Variants in TTC7B observed in about 807,000 individuals in gnomAD.
TTC7B encodes the protein tetratricopeptide repeat domain 7B, also known as tetratricopeptide repeat protein 7B.
In TTC7B, 28 loss-of-function variants were observed where a neutral mutation model predicts 106.8. The observed-to-expected ratio is 0.26, with a 90% CI of 0.19 to 0.36. The LOEUF is 0.36. Ranked by LOEUF, TTC7B falls within the 10% of genes least tolerant of loss-of-function variation. The pLI, the probability that TTC7B is intolerant of heterozygous loss-of-function variation, is 1.00. For missense variants in TTC7B, 862 were observed against 1,076.4 expected (o/e 0.80, Z 2.79); for synonymous variants, 405 against 430.6 (o/e 0.94, Z 0.74).
Position 90,570,571 on chromosome 14 carries a change from G to A in TTC7B, c.2310+7535C>T, listed in dbSNP as rs1358716595. ...AAGTCACACTCAAAAGCGAAGCATC[G>A]TGCTCGCGGCCGACCACGCACCGAG... On this transcript the variant is annotated intron_variant, in intron 19 of 19. Transcript: ENST00000328459. This position sits in a 1 kb window ranked among gnomAD's most constrained non-coding sequence, Gnocchi z 4.0. Among the ~76,000 whole-genome samples the A allele has an allele frequency of 1.3e-5, 2 of 151,926 alleles. No individual in the cohort carries two copies. Among genetic ancestry groups the A allele is most frequent in the East Asian group, 1.9e-4 (1 of 5,176 alleles).
chr14:90,608,352 G>C lies in TTC7B; in HGVS notation c.1966+2390C>G, dbSNP rs144613385. On this transcript the variant is annotated intron_variant, in intron 17 of 19. Coordinates refer to ENST00000328459, the MANE Select transcript of TTC7B (RefSeq NM_001010854.2). The surrounding 1 kb of genome is among the most constrained non-coding windows in gnomAD (Gnocchi z 5.1). ...CTGGTCTCTTGGTTAAATTGTCGGC[G>C]TGCAAATCAGTATTTTGCAGCTGCC... Among the ~76,000 whole-genome samples, 2 of 152,184 alleles carry C rather than the reference G, an allele frequency of 1.3e-5. No homozygotes were observed. The highest frequency in any genetic ancestry group is 1.3e-4 in the Admixed American group (2 of 15,300).
intron 11 of TTC7B, among the ~76,000 whole-genome samples, 181 bp downstream of exon 11, chr14:90,656,993 G>T (rs374766450): frequency 2.0e-5 from 3 of 152,212 alleles, no homozygotes; most frequent in African/African-American, 7.2e-5. Flanking sequence ...AGTCCTTGGG[G>T]GAGTGGATGA....
At chr14:90,548,904 G>A (rs1217820510) in intron 19 of TTC7B, among the ~76,000 whole-genome samples, 1 of 152,112 alleles carries the variant, frequency 6.6e-6, no homozygotes, top group Non-Finnish European at 1.5e-5. Flanking sequence ...GAGGTGGGTG[G>A]ATCACAAGGT....
chr14:90,723,038 G>A (rs1040454822), intron 5 of TTC7B, among the ~76,000 whole-genome samples: 9 of 152,168 alleles, frequency 5.9e-5, no homozygotes, highest in Admixed American at 3.3e-4. Context: ...AGTCAAACCC[G>A]TCTTCTGGTC....
chr14:90,625,290 G>T (rs1884390598), intron 15 of TTC7B, among the ~76,000 whole-genome samples: 1 of 152,206 alleles, frequency 6.6e-6, no homozygotes, highest in African/African-American at 2.4e-5. Flanking sequence ...GAGAGTCTGA[G>T]ATCAGCCCAG....
At chr14:90,801,897 C>G (rs1171339689) in intron 1 of TTC7B, among the ~76,000 whole-genome samples, 3 of 151,950 alleles carry the variant, frequency 2.0e-5, no homozygotes, top group South Asian at 2.1e-4. Flanking sequence ...CCCATCTCTA[C>G]TAAAAGTACA....
intron 3 of TTC7B, among the ~76,000 whole-genome samples, chr14:90,747,733 C>T (rs1456854555): frequency 6.6e-6 from 1 of 152,156 alleles, no homozygotes; most frequent in Non-Finnish European, 1.5e-5. Context: ...ATTGCAATCC[C>T]CAAGCATAAC....
intron 2 of TTC7B, among the ~76,000 whole-genome samples, chr14:90,782,923 G>A (rs531216583): frequency 2.0e-5 from 3 of 151,794 alleles, no homozygotes; most frequent in South Asian, 2.1e-4. Context: ...TAGGTTGTAA[G>A]TTATGTATAT....
chr14:90,720,075 C>T lies in TTC7B; in HGVS notation c.698+10000G>A, dbSNP rs140233122. On this transcript the variant is annotated intron_variant, in intron 5 of 19. Coordinates refer to ENST00000328459, the MANE Select transcript of TTC7B (RefSeq NM_001010854.2). ...CTTACATTCATGTTAGTGTATTTTA[C>T]GTGTGGCCCAAGACAATTCTTCTTC... Among the ~76,000 whole-genome samples the T allele has an allele frequency of 5.0e-4, 76 of 150,616 alleles. 1 individual carries two copies. The East Asian group carries it at 0.012, about 24-fold the overall frequency.
intron 1 of TTC7B, among the ~76,000 whole-genome samples, chr14:90,813,581 G>C (rs1247107959): frequency 6.6e-6 from 1 of 151,902 alleles, no homozygotes; most frequent in Non-Finnish European, 1.5e-5. Flanking sequence ...GGCTCAGAGT[G>C]GTTAAGTGAT....
intron 1 of TTC7B, among the ~76,000 whole-genome samples, chr14:90,815,961 A>C (rs2031151427): frequency 6.6e-6 from 1 of 151,416 alleles, no homozygotes; most frequent in African/African-American, 2.4e-5. Flanking sequence ...GCGCCGGGAC[A>C]GCCCCTGGCG....
chr14:90,753,953 T>C (rs1269200865), intron 3 of TTC7B, among the ~76,000 whole-genome samples: 2 of 152,238 alleles, frequency 1.3e-5, no homozygotes, highest in South Asian at 2.1e-4. Context: ...GCTCACTAAC[T>C]GAGAGTTTGC....
intron 3 of TTC7B, among the ~76,000 whole-genome samples, chr14:90,775,043 CA>C (rs35706904): frequency 0.42 from 58,965 of 138,964 alleles, 12,955 homozygotes; most frequent in Non-Finnish European, 0.52. Context: ...AATTCTGTCT[CA>C]AAAAAAAAAA....
intron 3 of TTC7B, among the ~76,000 whole-genome samples, chr14:90,768,396 C>T (rs1890756391): frequency 6.6e-6 from 1 of 152,060 alleles, no homozygotes; most frequent in South Asian, 2.1e-4. Flanking sequence ...CTTCCAAACA[C>T]TTACAAAACC....
chr14:90,763,382 A>C (rs369287413), intron 3 of TTC7B, among the ~76,000 whole-genome samples: 46 of 152,348 alleles, frequency 3.0e-4, no homozygotes, highest in African/African-American at 1.0e-3. Flanking sequence ...CTTCAAGTTG[A>C]TAAAGGCTAT....
rs140983251 is a variant in TTC7B, at chr14:90,689,609, G to C, written c.881C>G (p.Pro294Arg). Residue 294 changes from proline to arginine, a missense_variant, in exon 7 of 20, where the codon CCT (proline) becomes CGT (arginine). By Grantham distance (103) the Pro-to-Arg change is moderately radical. Coordinates refer to ENST00000328459, the MANE Select transcript of TTC7B (RefSeq NM_001010854.2). ...TTTTGTGTTTGCTCCTTTGCGGAGA[G>C]GATCGTCCAGAGGTGACTGGCACGG... The part of the protein sequence containing the change: ...DPPCQSPLDD[P>R]LRKGANTKTY... The C allele has an allele frequency of 4.2e-5, 68 of 1,614,048 alleles. No individual in the cohort carries two copies. Among genetic ancestry groups the C allele is most frequent in the Non-Finnish European group, 5.5e-5 (65 of 1,180,010 alleles).
Position 90,530,543 on chromosome 14 carries a change from C to T in TTC7B, c.*10825G>A, listed in dbSNP as rs1889258983. The T allele has an allele frequency of 1.3e-5, 2 of 152,116 alleles. No homozygotes were observed. The highest frequency in any genetic ancestry group is 2.9e-5 in the Non-Finnish European group (2 of 68,054). 9.4% of individuals were successfully genotyped at this position (152,116 alleles called of 1,614,324 possible). A position where few individuals can be genotyped will look rare whatever the true frequency, so the allele number is the denominator to read the frequency against. On this transcript the variant is annotated 3_prime_UTR_variant, in exon 20 of 20. Transcript: ENST00000328459. ...AGATGGGGAGAGTGTCTTGGATTAT[C>T]CAGGTAAGACCAATGTAATCAGGAG...
chr14:90,681,924 C>T (rs66882071), intron 7 of TTC7B, among the ~76,000 whole-genome samples: 20,511 of 152,172 alleles, frequency 0.13, 1,675 homozygotes, highest in Middle Eastern at 0.21. Flanking sequence ...CACACTCGTG[C>T]CCCACAATCA....
At chr14:90,713,539 C>CA (rs1201145036) in intron 5 of TTC7B, among the ~76,000 whole-genome samples, 1 of 152,096 alleles carries the variant, frequency 6.6e-6, no homozygotes. Context: ...GGCTCTAATT[C>CA]AAAAAACTGA....
Sources: gnomAD v4.1 joint callset for allele counts (sites outside exome capture counted in the v4.1 genomes callset) on GRCh38, gnomAD v4.1.1 for gene constraint, Gnocchi (gnomAD v3.1) non-coding constraint, MANE v1.5 for transcripts, NCBI Gene and HGNC (gene_info 2026-07-23, HGNC 2026-07-21) for gene names.